Variants in DMD observed in about 807,000 individuals in gnomAD.
DMD encodes mutant dystrophin.
A neutral mutation model predicts 330.1 loss-of-function variants in DMD; 63 were observed. That is an observed-to-expected ratio of 0.19 (90% CI 0.16 to 0.24). DMD has a LOEUF of 0.24. DMD is among the 10% of genes least tolerant of loss of function. The pLI, the probability that DMD is intolerant of heterozygous loss-of-function variation, is 1.00. For missense variants in DMD, 3,344 were observed against 2,684.1 expected, an observed-to-expected ratio of 1.25 and a Z score of -5.43; for synonymous variants, 1,223 against 959.8, an observed-to-expected ratio of 1.27 and a Z score of -5.07.
chrX:32,498,901 A>G (rs1238831988), intron 19 of DMD, among the ~76,000 whole-genome samples: 3 of 111,291 alleles, frequency 2.7e-5, no homozygotes, highest in Non-Finnish European at 5.7e-5. Flanking sequence ...ACTTTCAACA[A>G]CCTTAACACC....
intron 19 of DMD, among the ~76,000 whole-genome samples, chrX:32,499,657 C>G (rs751366339): frequency 9.0e-6 from 1 of 111,354 alleles, no homozygotes; most frequent in East Asian, 2.8e-4. Flanking sequence ...AATTTAAGAG[C>G]TTTAATGCAA....
At chrX:33,207,035 C>T (rs757585596) in intron 1 of DMD, among the ~76,000 whole-genome samples, 7 of 110,205 alleles carry the variant, frequency 6.4e-5, no homozygotes, top group Admixed American at 9.7e-5. Flanking sequence ...CTCTACCCTC[C>T]GAAAGGCCCC....
At chrX:32,294,059 C>A (rs1331837502) in intron 42 of DMD, among the ~76,000 whole-genome samples, 1 of 111,912 alleles carries the variant, frequency 8.9e-6, no homozygotes, top group African/African-American at 3.2e-5. Context: ...ACCAACATAT[C>A]TTCTTGGCTG....
intron 6 of DMD, among the ~76,000 whole-genome samples, chrX:32,809,947 G>A (rs201579795): frequency 8.0e-3 from 376 of 46,796 alleles, no homozygotes; most frequent in Middle Eastern, 0.04. Context: ...AAAAAAAAAA[G>A]AAAGAAAGAA....
intron 2 of DMD, among the ~76,000 whole-genome samples, chrX:32,916,018 TA>T (rs2087769942): frequency 1.8e-5 from 2 of 111,732 alleles, no homozygotes; most frequent in Admixed American, 1.9e-4. Flanking sequence ...AAATATAGTA[TA>T]ATTAATAATG....
chrX:32,598,332 A>G (rs1237825703), intron 12 of DMD, among the ~76,000 whole-genome samples: 5 of 111,800 alleles, frequency 4.5e-5, no homozygotes, highest in East Asian at 2.8e-4. Flanking sequence ...ATTAAAATTC[A>G]GAGTTGTCCT....
At chrX:31,154,336 C>T (rs771078953) in intron 74 of DMD, among the ~76,000 whole-genome samples, 66 of 109,836 alleles carry the variant, frequency 6.0e-4, no homozygotes, top group Non-Finnish European at 8.5e-4. Context: ...CGCTCTGTCG[C>T]CCATGCTGGA....
In DMD at chrX:31,639,666, T is replaced by G. The variant is rs749037754; in HGVS notation, c.8028-11804A>C. Among the ~76,000 whole-genome samples, 3 of 111,881 alleles carry G rather than the reference T, an allele frequency of 2.7e-5. 1 individual carries two copies. In the South Asian group the frequency reaches 1.1e-3, roughly 42 times the overall value. ...TCGTGATCTAAAAACTTCACTTGTG[T>G]TCCAGTGTGATCCTGCCTGAATAAC... On this transcript the variant is annotated intron_variant, in intron 54 of 78. Coordinates refer to ENST00000357033, the MANE Select transcript of DMD (RefSeq NM_004006.3).
chrX:32,086,324 A>C (rs1455991689), intron 44 of DMD, among the ~76,000 whole-genome samples: 2 of 111,883 alleles, frequency 1.8e-5, no homozygotes, highest in African/African-American at 6.5e-5. Flanking sequence ...TTTAAAATAG[A>C]GTACAGATCT....
intron 1 of DMD, among the ~76,000 whole-genome samples, chrX:33,051,279 T>A (rs2094453210): frequency 1.9e-5 from 2 of 105,859 alleles, no homozygotes; most frequent in African/African-American, 3.5e-5. Context: ...TGTTTCAATC[T>A]CGGCTCACTG....
intron 44 of DMD, among the ~76,000 whole-genome samples, chrX:31,970,164 C>A (rs2095386233): frequency 9.0e-6 from 1 of 111,163 alleles, no homozygotes; most frequent in African/African-American, 3.3e-5. Flanking sequence ...TGGAAGGTTT[C>A]AGTAAGCATT....
intron 62 of DMD, among the ~76,000 whole-genome samples, chrX:31,314,742 C>CACAGAGAGAGAGAGAGAGAGAGAA (rs1556488350): frequency 1.1e-4 from 6 of 55,285 alleles, no homozygotes; most frequent in Admixed American, 4.1e-4. Context: ...AATACATACA[C>CACAGAGAGAGAGAGAGAGAGAGAA]AGAGAGAGAG....
intron 15 of DMD, among the ~76,000 whole-genome samples, chrX:32,570,105 T>A (rs758580043): frequency 4.5e-5 from 5 of 111,404 alleles, no homozygotes; most frequent in Non-Finnish European, 9.4e-5. Context: ...CCCACCTCAA[T>A]GGCAAGCAGG....
At position 31,388,474 on chromosome X, in the gene DMD, G is replaced by C. The variant is rs1017740057; in HGVS notation, c.9085-39840C>G. Among the ~76,000 whole-genome samples, 3 of 111,620 alleles carry C rather than the reference G, an allele frequency of 2.7e-5. No homozygotes were observed. In the Admixed American group the frequency reaches 2.9e-4, roughly 11 times the overall value. Reference sequence around the variant, plus strand: ...AAACTCCTAGCTAAAAAGTCTTCAGGGTTTCTTAGGTGTAATCTGGTTTAA... The same window carrying C: ...AAACTCCTAGCTAAAAAGTCTTCAGCGTTTCTTAGGTGTAATCTGGTTTAA... On this transcript the variant is annotated intron_variant, in intron 60 of 78. Transcript: ENST00000357033.
intron 7 of DMD, among the ~76,000 whole-genome samples, chrX:32,753,957 C>T (rs958263869): frequency 5.4e-5 from 6 of 110,692 alleles, no homozygotes; most frequent in Non-Finnish European, 1.1e-4. Flanking sequence ...GTTTTGACCC[C>T]GTGATTTAGC....
intron 49 of DMD, among the ~76,000 whole-genome samples, chrX:31,836,143 G>A (rs955486660): frequency 9.0e-6 from 1 of 111,711 alleles, no homozygotes. Flanking sequence ...CATGGATATG[G>A]AGAAGAAAAA....
At chrX:32,064,196 G>C (rs2096246636) in intron 44 of DMD, among the ~76,000 whole-genome samples, 5 of 111,275 alleles carry the variant, frequency 4.5e-5, no homozygotes, top group African/African-American at 1.3e-4. Context: ...ACTAATGTTA[G>C]AGACTATTCA....
chrX:32,766,400 G>C (rs1016982730), intron 7 of DMD, among the ~76,000 whole-genome samples: 1 of 111,328 alleles, frequency 9.0e-6, no homozygotes. Context: ...GTAGTTGTCA[G>C]TGTATAAGTC....
In DMD at chrX:32,656,196, T is replaced by C. The variant is rs767033316; in HGVS notation, c.961-11044A>G. On this transcript the variant is annotated intron_variant, in intron 9 of 78. Coordinates refer to ENST00000357033, the MANE Select transcript of DMD (RefSeq NM_004006.3). Reference sequence around the variant, plus strand: ...GGATATAACGCATCCAACTTCGTCATTAAGACGTAAATGGGCATAGATATG... The same window carrying C: ...GGATATAACGCATCCAACTTCGTCACTAAGACGTAAATGGGCATAGATATG... Among the ~76,000 whole-genome samples the C allele has an allele frequency of 2.6e-3, 292 of 112,003 alleles. 10 individuals are homozygous for C. The highest frequency in any genetic ancestry group is 2.7e-3 in the Non-Finnish European group (142 of 53,181).
Sources: gnomAD v4.1 joint callset for allele counts (sites outside exome capture counted in the v4.1 genomes callset) on GRCh38, gnomAD v4.1.1 for gene constraint, MANE v1.5 for transcripts, NCBI Gene and HGNC (gene_info 2026-07-23, HGNC 2026-07-21) for gene names.